PLEKHM3: variants seen among roughly 807,000 people sequenced by gnomAD.
PLEKHM3 encodes pleckstrin homology domain-containing family M member 3.
In PLEKHM3, 45 loss-of-function variants were observed where a neutral mutation model predicts 81.8. The ratio of observed to expected loss-of-function variants is 0.55; its 90% CI spans 0.43 to 0.71. PLEKHM3 has a LOEUF of 0.71. Ranked by LOEUF, PLEKHM3 falls within the 30% of genes least tolerant of loss-of-function variation. The pLI is 0.00. For synonymous variants in PLEKHM3, 352 were observed against 356.4 expected, an observed-to-expected ratio of 0.99 and a Z score of 0.14; for missense variants, 788 against 924.3, an observed-to-expected ratio of 0.85 and a Z score of 1.91.
chr2:207,877,736 A>C (rs1412976377), intron 6 of PLEKHM3, among the ~76,000 whole-genome samples: 1 of 152,210 alleles, frequency 6.6e-6, no homozygotes, highest in Non-Finnish European at 1.5e-5. Context: ...ATTTTTAAAC[A>C]TGTATGTGAA....
chr2:207,950,303 C>T lies in PLEKHM3; in HGVS notation c.1547-3791G>A, dbSNP rs180892100. 1.1e-4 allele frequency among the ~76,000 whole-genome samples: 16 copies of T among 152,316 alleles called. No homozygotes were observed. The East Asian group carries it at 2.7e-3, about 26-fold the overall frequency. ...TACTTTAGGCACATGGTATACAGAC[C>T]GTCACTAGTCTAAAGGCAGGAAGCC... is the stretch of plus-strand genomic sequence containing the variant. On this transcript the variant is annotated intron_variant, in intron 3 of 7. Coordinates refer to ENST00000427836, the MANE Select transcript of PLEKHM3 (RefSeq NM_001080475.3).
chr2:208,015,638 G>A (rs890417522), intron 1 of PLEKHM3, among the ~76,000 whole-genome samples: 4 of 152,198 alleles, frequency 2.6e-5, no homozygotes, highest in African/African-American at 9.6e-5. Context: ...TGGAATGTTT[G>A]CAAGAGTATA....
chr2:207,899,939 C>T (rs935973934), intron 6 of PLEKHM3: 2 of 152,280 alleles, frequency 1.3e-5, no homozygotes, highest in African/African-American at 2.4e-5. Flanking sequence ...CTCTAGGAAG[C>T]CTTCCCTGAT....
chr2:208,000,514 C>G (rs1692260384), intron 2 of PLEKHM3, among the ~76,000 whole-genome samples: 1 of 152,170 alleles, frequency 6.6e-6, no homozygotes. Flanking sequence ...AATGGCCCAT[C>G]TATTGTCTCT....
chr2:207,909,162 T>A (rs1056349967), intron 5 of PLEKHM3, among the ~76,000 whole-genome samples: 2 of 152,200 alleles, frequency 1.3e-5, no homozygotes, highest in African/African-American at 4.8e-5. Flanking sequence ...AGAACCTCTG[T>A]ACAAATGAGA....
chr2:207,855,359 C>G (rs751771061), intron 7 of PLEKHM3, among the ~76,000 whole-genome samples: 1 of 152,002 alleles, frequency 6.6e-6, no homozygotes, highest in South Asian at 2.1e-4. Context: ...TGGGCTGTAA[C>G]CCAAAGTACA....
chr2:207,852,462 A>G (rs758563257), intron 7 of PLEKHM3, among the ~76,000 whole-genome samples: 2 of 152,180 alleles, frequency 1.3e-5, no homozygotes, highest in Non-Finnish European at 2.9e-5. Context: ...CTAAAAATTA[A>G]TACTAGGGGT....
At chr2:207,952,355 G>A (rs945108354) in intron 3 of PLEKHM3, among the ~76,000 whole-genome samples, 2 of 152,190 alleles carry the variant, frequency 1.3e-5, no homozygotes, top group Admixed American at 1.3e-4. Context: ...TAAGCACTGT[G>A]TAAAATGTTG....
At chr2:207,989,447 A>G (rs1691827364) in intron 2 of PLEKHM3, among the ~76,000 whole-genome samples, 1 of 152,204 alleles carries the variant, frequency 6.6e-6, no homozygotes, top group Admixed American at 6.5e-5. Flanking sequence ...AGCATTCCAG[A>G]TGGTGGGCCT....
At chr2:207,898,290 CTG>C (rs1688308430) in intron 6 of PLEKHM3, among the ~76,000 whole-genome samples, 1 of 152,174 alleles carries the variant, frequency 6.6e-6, no homozygotes, top group African/African-American at 2.4e-5. Context: ...GCAGACAACT[CTG>C]GGGCTACTGA....
At chr2:207,859,304 A>G (rs2092454669) in intron 7 of PLEKHM3, among the ~76,000 whole-genome samples, 1 of 151,538 alleles carries the variant, frequency 6.6e-6, no homozygotes, top group African/African-American at 2.4e-5. Context: ...ATACCCGGCT[A>G]ATTTTGTATT....
At chr2:207,957,672 T>C (rs1690563020) in intron 3 of PLEKHM3, among the ~76,000 whole-genome samples, 1 of 152,116 alleles carries the variant, frequency 6.6e-6, no homozygotes, top group Non-Finnish European at 1.5e-5. Flanking sequence ...CACTCCAGCC[T>C]AGGTGACAGA....
intron 6 of PLEKHM3, among the ~76,000 whole-genome samples, chr2:207,880,088 G>A (rs949124025): frequency 1.3e-5 from 2 of 152,148 alleles, no homozygotes; most frequent in African/African-American, 4.8e-5. Context: ...AAATTAGCCT[G>A]CTCCCAAATG....
chr2:207,929,599 G>A (rs1574416505), intron 5 of PLEKHM3, among the ~76,000 whole-genome samples: 2 of 152,104 alleles, frequency 1.3e-5, no homozygotes, highest in Admixed American at 1.3e-4. Context: ...GGAAAGCCCT[G>A]ATCTTTTAAA....
chr2:207,821,647 GC>G lies in PLEKHM3; in HGVS notation c.*6671del, dbSNP rs2092217864. The stretch of plus-strand genomic sequence containing the variant: ...AAAATGGCATAGACCTGACCCAGGA[GC>G]TACAGAACAAGTTTTGCAGAAGTTT... On this transcript the variant is annotated 3_prime_UTR_variant, in exon 8 of 8. Coordinates refer to ENST00000427836, the MANE Select transcript of PLEKHM3 (RefSeq NM_001080475.3). 1 of 152,102 alleles carries G rather than the reference GC, an allele frequency of 6.6e-6. No homozygotes were observed. Among genetic ancestry groups the G allele is most frequent in the Non-Finnish European group, 1.5e-5 (1 of 68,040 alleles). 9.4% of individuals were successfully genotyped at this position (152,102 alleles called of 1,614,324 possible). A position where few individuals can be genotyped will look rare whatever the true frequency, so the allele number is the denominator to read the frequency against.
At chr2:207,906,829 G>T (rs961524455) in intron 6 of PLEKHM3, among the ~76,000 whole-genome samples, 1 of 151,934 alleles carries the variant, frequency 6.6e-6, no homozygotes, top group African/African-American at 2.4e-5. Flanking sequence ...GCTCTGGGGG[G>T]ACAAAAAGAA....
intron 5 of PLEKHM3, among the ~76,000 whole-genome samples, chr2:207,924,097 G>A (rs1054692670): frequency 1.3e-5 from 2 of 150,450 alleles, no homozygotes; most frequent in African/African-American, 2.4e-5. Context: ...GTAGAGACAG[G>A]TTTCACCATG....
chr2:207,974,763 C>T (rs1366732107), intron 3 of PLEKHM3, among the ~76,000 whole-genome samples: 1 of 152,074 alleles, frequency 6.6e-6, no homozygotes, highest in African/African-American at 2.4e-5. Flanking sequence ...AAACCATTTT[C>T]CAAAAGTATC....
intron 6 of PLEKHM3, among the ~76,000 whole-genome samples, chr2:207,872,555 C>T (rs780689430): frequency 1.6e-4 from 25 of 152,148 alleles, no homozygotes; most frequent in Non-Finnish European, 2.6e-4. Context: ...AAACCCGAGG[C>T]GGCCGGGCGC....
Sources: gnomAD v4.1 joint callset for allele counts (sites outside exome capture counted in the v4.1 genomes callset) on GRCh38, gnomAD v4.1.1 for gene constraint, MANE v1.5 for transcripts, NCBI Gene and HGNC (gene_info 2026-07-23, HGNC 2026-07-21) for gene names.